Variants in ZNF644 observed in about 807,000 individuals in gnomAD.
ZNF644 encodes the protein zinc finger motif enhancer binding protein 2.
Under a neutral mutation model 108.0 loss-of-function variants are expected in ZNF644, and 20 were observed. The observed-to-expected ratio is 0.19, with a 90% CI of 0.13 to 0.27. ZNF644 has a LOEUF of 0.27. Among genes scored for constraint, ZNF644 ranks in the 10% least tolerant of loss-of-function variants. The probability of loss-of-function intolerance (pLI) is 1.00; values close to 1 mark genes in which losing one functional copy is unlikely to be tolerated. For synonymous variants in ZNF644, 542 were observed against 539.1 expected, an observed-to-expected ratio of 1.01 and a Z score of -0.08; for missense variants, 1,338 against 1,548.9, an observed-to-expected ratio of 0.86 and a Z score of 2.29.
chr1:90,943,567 T>A (rs973441340), intron 2 of ZNF644, among the ~76,000 whole-genome samples: 3 of 152,244 alleles, frequency 2.0e-5, no homozygotes, highest in African/African-American at 7.2e-5. Context: ...CAAATACCTA[T>A]TACCAGTATC....
At chr1:91,018,990 C>G (rs1660657078) in intron 1 of ZNF644, among the ~76,000 whole-genome samples, 3 of 152,180 alleles carry the variant, frequency 2.0e-5, no homozygotes, top group Non-Finnish European at 4.4e-5. Context: ...TAAATCCACT[C>G]ACATAATGTT....
Position 90,918,059 on chromosome 1 carries a change from G to A in ZNF644, c.3784C>T (p.Arg1262Ter). Reference protein sequence around the residue: ...PHGADEVYILRCRFCGLVFRG... With the variant: ...PHGADEVYIL ...GGCAATATAGGCATATACCTGCATCGGAGAATGTAAACCTCGTCAGCACCA... is the reference window on the plus strand; with the variant it reads ...GGCAATATAGGCATATACCTGCATCAGAGAATGTAAACCTCGTCAGCACCA... Residue 1262 changes from arginine (R) to a stop codon, truncating the protein, a stop_gained, in exon 5 of 6, where the codon CGA becomes TGA. Coordinates refer to ENST00000337393, the MANE Select transcript of ZNF644 (RefSeq NM_201269.3). LOFTEE classifies it high-confidence loss of function. The A allele has an allele frequency of 6.2e-7, 1 of 1,613,610 alleles. No individual in the cohort carries two copies.
chr1:90,941,217 T>C lies in ZNF644; in HGVS notation c.137A>G (p.Asn46Ser). 1.2e-6 allele frequency: 2 copies of C among 1,605,962 alleles called. No homozygotes were observed. The highest frequency in any genetic ancestry group is 2.2e-5 in the South Asian group (2 of 89,272). The change falls in exon 3 of 6, where the codon AAC (asparagine) becomes AGC (serine). Residue 46 changes from asparagine (N) to serine (S), a missense_variant. Coordinates refer to ENST00000337393, the MANE Select transcript of ZNF644 (RefSeq NM_201269.3). ...GCTCTCTTTGTCTGAGATAAAATTG[T>C]TGTCATCTAGGAGTTCTTCTTTAGC... ...TGAKEELLDD[N>S]NFISDKESGV...
At chr1:90,930,181 G>T (rs148809141) in intron 4 of ZNF644, among the ~76,000 whole-genome samples, 1,652 of 152,268 alleles carry the variant, frequency 0.011, 21 homozygotes, top group Non-Finnish European at 0.015. Context: ...AGCTACTCAG[G>T]AGGCTGAGCC....
intron 1 of ZNF644, among the ~76,000 whole-genome samples, chr1:90,995,040 C>CA (rs1013763948): frequency 5.9e-5 from 9 of 151,890 alleles, no homozygotes; most frequent in African/African-American, 1.9e-4. Context: ...CAGTTTCAGG[C>CA]AAAAAATACA....
At chr1:90,969,291 C>G (rs1465005297) in intron 2 of ZNF644, among the ~76,000 whole-genome samples, 1 of 152,062 alleles carries the variant, frequency 6.6e-6, no homozygotes. Context: ...ATCTGCAAGC[C>G]AAGGAGAGAG....
chr1:90,934,142 T>A (rs749757597), intron 4 of ZNF644, among the ~76,000 whole-genome samples: 31 of 152,180 alleles, frequency 2.0e-4, no homozygotes, highest in Non-Finnish European at 4.0e-4. Flanking sequence ...ATAAAAATTA[T>A]AATCTCAGAG....
chr1:90,958,232 T>TAAAAAAAAAAAAAAAAAAAA (rs777224217), intron 2 of ZNF644, among the ~76,000 whole-genome samples: 4 of 41,400 alleles, frequency 9.7e-5, no homozygotes, highest in Middle Eastern at 0.017. Context: ...GCAAAACTCC[T>TAAAAAAAAAAAAAAAAAAAA]AAAAAAAAAA....
Position 90,939,554 on chromosome 1 carries a change from A to T in ZNF644, c.1800T>A (p.Val600=). Residue 600 remains valine, a synonymous_variant, in exon 3 of 6, where the codon GTT becomes GTA. Coordinates refer to ENST00000337393, the MANE Select transcript of ZNF644 (RefSeq NM_201269.3). The part of the protein sequence containing the change: ...MCPFTTSAKS[V]LKKHTEYLHS... ...GCAAGTACTCCGTGTGCTTTTTTAAAACACTTTTGGCTGAAGTAGTAAAAG... is the reference window on the plus strand; with the variant it reads ...GCAAGTACTCCGTGTGCTTTTTTAATACACTTTTGGCTGAAGTAGTAAAAG... 6.2e-7 allele frequency: 1 copy of T among 1,614,020 alleles called. No homozygotes were observed. The highest frequency in any genetic ancestry group is 8.5e-7 in the Non-Finnish European group (1 of 1,179,934).
chr1:90,922,706 ATAGG>A (rs906824818), intron 4 of ZNF644, among the ~76,000 whole-genome samples: 9 of 151,918 alleles, frequency 5.9e-5, no homozygotes, highest in Non-Finnish European at 1.2e-4. Flanking sequence ...ACAGTACCTG[ATAGG>A]TAGTTTTTTT....
intron 1 of ZNF644, among the ~76,000 whole-genome samples, chr1:91,001,856 A>G (rs1390600466): frequency 6.6e-6 from 1 of 152,234 alleles, no homozygotes; most frequent in Non-Finnish European, 1.5e-5. Flanking sequence ...TACAAAATCA[A>G]TGTGCAAAAA....
intron 1 of ZNF644, among the ~76,000 whole-genome samples, chr1:91,008,680 C>T (rs1348338782): frequency 1.3e-5 from 2 of 152,116 alleles, no homozygotes; most frequent in Non-Finnish European, 2.9e-5. Flanking sequence ...AGGGAGCAAC[C>T]CACTGTATTT....
At chr1:90,964,829 T>C (rs538329717) in intron 2 of ZNF644, among the ~76,000 whole-genome samples, 4 of 152,310 alleles carry the variant, frequency 2.6e-5, no homozygotes, top group African/African-American at 9.6e-5. Flanking sequence ...GCATATTATC[T>C]TGTGATAGTA....
At chr1:90,983,944 G>A (rs994838512) in intron 1 of ZNF644, among the ~76,000 whole-genome samples, 1 of 152,040 alleles carries the variant, frequency 6.6e-6, no homozygotes, top group Non-Finnish European at 1.5e-5. Context: ...AGAGGAAGAA[G>A]AAGAAGACAT....
chr1:90,952,961 A>G (rs958115670), intron 2 of ZNF644, among the ~76,000 whole-genome samples: 1 of 151,722 alleles, frequency 6.6e-6, no homozygotes, highest in African/African-American at 2.4e-5. Flanking sequence ...AAAATCTTAA[A>G]AGCAGCCACA....
At chr1:90,926,720 C>T (rs1196701665) in intron 4 of ZNF644, among the ~76,000 whole-genome samples, 1 of 152,156 alleles carries the variant, frequency 6.6e-6, no homozygotes, top group Non-Finnish European at 1.5e-5. Flanking sequence ...CTCTAATCTA[C>T]CATATCCTGC....
At chr1:90,946,507 T>C (rs2101009081) in intron 2 of ZNF644, among the ~76,000 whole-genome samples, 1 of 152,236 alleles carries the variant, frequency 6.6e-6, no homozygotes, top group Non-Finnish European at 1.5e-5. Flanking sequence ...ATAATTAACA[T>C]TTAACATTAT....
At chr1:90,968,054 C>A in intron 2 of ZNF644, among the ~76,000 whole-genome samples, 1 of 113,538 alleles carries the variant, frequency 8.8e-6, no homozygotes. Flanking sequence ...GAGTGAGACT[C>A]CGTCTCAAAA....
intron 1 of ZNF644, among the ~76,000 whole-genome samples, chr1:90,996,555 T>C (rs1570537415): frequency 2.0e-5 from 3 of 152,018 alleles, no homozygotes; most frequent in Non-Finnish European, 1.5e-5. Flanking sequence ...GAGGCTGAGG[T>C]GGGAGAAATG....
Sources: allele counts gnomAD v4.1 joint callset (sites outside exome capture counted in the v4.1 genomes callset), GRCh38; gene constraint gnomAD v4.1.1; transcripts MANE v1.5; gene names NCBI Gene and HGNC (gene_info 2026-07-23, HGNC 2026-07-21).